Variants in PARVA observed in about 807,000 individuals in gnomAD.
PARVA encodes alpha-parvin.
Under a neutral mutation model 52.6 loss-of-function variants are expected in PARVA, and 25 were observed. The observed-to-expected ratio is 0.48, with a 90% CI of 0.35 to 0.66. The LOEUF (loss-of-function observed/expected upper bound fraction) is 0.66, where lower values mean the gene tolerates loss of function less well. Ranked by LOEUF, PARVA falls within the 30% of genes least tolerant of loss-of-function variation. The probability of loss-of-function intolerance (pLI) is 0.01; values close to 1 mark genes in which losing one functional copy is unlikely to be tolerated. For missense variants in PARVA, 373 were observed against 450.9 expected (o/e 0.83, Z 1.56); for synonymous variants, 185 against 179.1 (o/e 1.03, Z -0.26).
At chr11:12,508,125 A>AAAAAAAAAAAAAC (rs1564865901) in intron 6 of PARVA, among the ~76,000 whole-genome samples, 3 of 59,488 alleles carry the variant, frequency 5.0e-5, no homozygotes, top group Non-Finnish European at 9.9e-5. Flanking sequence ...AAAAAAAACC[A>AAAAAAAAAAAAAC]AAAAAAAAAA....
chr11:12,376,733 G>C, upstream of PARVA: 1 of 984,680 alleles, frequency 1.0e-6, no homozygotes, highest in Non-Finnish European at 1.2e-6. Flanking sequence ...AACTTGAGAT[G>C]GGTAAGCTCA....
chr11:12,406,149 T>C (rs747069732), intron 1 of PARVA, among the ~76,000 whole-genome samples: 18 of 152,058 alleles, frequency 1.2e-4, no homozygotes, highest in Admixed American at 5.2e-4. Flanking sequence ...TTTTAAGGAG[T>C]TGGCTCAGGT....
Position 12,432,398 on chromosome 11 carries a change from A to G in PARVA, c.137-41347A>G, listed in dbSNP as rs1012094726. ...TACAAATAGATGTGAATGTCATTTT[A>G]TCTAATTGAAGATGAATGCTGAATT... is the stretch of plus-strand genomic sequence containing the variant. On this transcript the variant is annotated intron_variant, in intron 1 of 12. Coordinates refer to ENST00000334956, the MANE Select transcript of PARVA (RefSeq NM_018222.5). Among the ~76,000 whole-genome samples the G allele has an allele frequency of 1.8e-4, 28 of 152,372 alleles. No individual in the cohort carries two copies. In the South Asian group the frequency reaches 3.1e-3, roughly 17 times the overall value.
At chr11:12,506,024 C>T (rs886949791) in intron 6 of PARVA, among the ~76,000 whole-genome samples, 4 of 152,200 alleles carry the variant, frequency 2.6e-5, no homozygotes, top group African/African-American at 9.6e-5. Context: ...ATAAGCTCAT[C>T]GGTTGTTAAA....
chr11:12,387,556 T>C (rs893778963), intron 1 of PARVA, among the ~76,000 whole-genome samples: 1 of 150,330 alleles, frequency 6.7e-6, no homozygotes, highest in Non-Finnish European at 1.5e-5. Flanking sequence ...TTTTTGAGCG[T>C]GTGTGTGTGT....
intron 6 of PARVA, among the ~76,000 whole-genome samples, chr11:12,506,693 C>T (rs753622192): frequency 6.6e-6 from 1 of 152,194 alleles, no homozygotes; most frequent in Non-Finnish European, 1.5e-5. Flanking sequence ...CATAAAATGG[C>T]ATTAATGCAC....
At chr11:12,403,417 A>T (rs1468402905) in intron 1 of PARVA, among the ~76,000 whole-genome samples, 1 of 152,182 alleles carries the variant, frequency 6.6e-6, no homozygotes. Context: ...CATGGTGATG[A>T]TAGGAGGCCC....
rs907290659 is a variant in PARVA at position 12,528,921 on chromosome 11, G to C, written c.*996G>C. ...TTGCAGCCTTTTTGCTTGATTGCAT[G>C]TAATGGAAATGCCCTATATTTTCCT... On this transcript the variant is annotated 3_prime_UTR_variant, in exon 13 of 13. Coordinates refer to ENST00000334956, the MANE Select transcript of PARVA (RefSeq NM_018222.5). 4 of 152,610 alleles carry C rather than the reference G, an allele frequency of 2.6e-5. No homozygotes were observed. Among genetic ancestry groups the C allele is most frequent in the African/African-American group, 9.7e-5 (4 of 41,430 alleles). 9.5% of individuals were successfully genotyped at this position (152,610 alleles called of 1,614,324 possible).
At position 12,504,385 on chromosome 11, in the gene PARVA, A is replaced by G. The variant is rs567869261; in HGVS notation, c.613A>G (p.Ile205Val). The stretch of plus-strand genomic sequence containing the variant: ...TCTGTCTCAGTATTTCCGCGCACCA[A>G]TTCGACTCCCAGACCATGTTTCCAT... ...VALSQYFRAP[I>V]RLPDHVSIQV... Residue 205 changes from isoleucine to valine, a missense_variant, in exon 6 of 13, where the codon ATT becomes GTT. By Grantham distance (29) the Ile-to-Val change is conservative. Transcript: ENST00000334956. 1.1e-5 allele frequency: 18 copies of G among 1,613,716 alleles called. No homozygotes were observed. Among genetic ancestry groups the G allele is most frequent in the East Asian group, 1.1e-4 (5 of 44,874 alleles).
At chr11:12,467,597 A>G (rs571194979) in intron 1 of PARVA, among the ~76,000 whole-genome samples, 2 of 152,296 alleles carry the variant, frequency 1.3e-5, no homozygotes, top group East Asian at 1.9e-4. Flanking sequence ...TGACCAGACA[A>G]TATAGTTGTC....
At chr11:12,497,269 T>G (rs1941310210) in intron 5 of PARVA, among the ~76,000 whole-genome samples, 1 of 152,162 alleles carries the variant, frequency 6.6e-6, no homozygotes, top group South Asian at 2.1e-4. Context: ...ATTAGGTGAA[T>G]CTAGCAGTAG....
chr11:12,461,195 C>T lies in PARVA; in HGVS notation c.137-12550C>T, dbSNP rs74996562. ...ATAGCTCCTGACCCATCTCCTAGCA[C>T]CAGAGATGCCCATACATGCTTATGA... On this transcript the variant is annotated intron_variant, in intron 1 of 12. Transcript: ENST00000334956. Among the ~76,000 whole-genome samples the T allele has an allele frequency of 5.0e-3, 763 of 152,282 alleles. 10 individuals are homozygous for T. Among genetic ancestry groups the T allele is most frequent in the Middle Eastern group, 0.02 (6 of 294 alleles).
chr11:12,493,933 C>A (rs1281841426), intron 4 of PARVA, among the ~76,000 whole-genome samples: 1 of 152,256 alleles, frequency 6.6e-6, no homozygotes, highest in African/African-American at 2.4e-5. Flanking sequence ...GTCCCCACTT[C>A]AGTTGGCATT....
chr11:12,382,897 G>A (rs142965254), intron 1 of PARVA, among the ~76,000 whole-genome samples: 26 of 152,346 alleles, frequency 1.7e-4, no homozygotes, highest in African/African-American at 6.0e-4. Flanking sequence ...CATGGCACAA[G>A]TAATGGTAGC....
At chr11:12,497,337 G>T (rs905766039) in intron 5 of PARVA, among the ~76,000 whole-genome samples, 3 of 152,120 alleles carry the variant, frequency 2.0e-5, no homozygotes, top group African/African-American at 7.2e-5. Flanking sequence ...ATTAATAAAA[G>T]ATTAGATTAG....
rs190009157 is a variant in PARVA at position 12,439,962 on chromosome 11, C to T, written c.137-33783C>T. Among the ~76,000 whole-genome samples, 6 of 152,298 alleles carry T rather than the reference C, an allele frequency of 3.9e-5. No homozygotes were observed. In the East Asian group the frequency reaches 5.8e-4, roughly 15 times the overall value. The stretch of plus-strand genomic sequence containing the variant: ...ACTTCCTGGTTCTCTTTATTCCCAT[C>T]GCCCTATTCTGCTTTCTCTTACAAC... On this transcript the variant is annotated intron_variant, in intron 1 of 12. Coordinates refer to ENST00000334956, the MANE Select transcript of PARVA (RefSeq NM_018222.5).
At chr11:12,424,193 G>A (rs538987635) in intron 1 of PARVA, among the ~76,000 whole-genome samples, 49 of 151,778 alleles carry the variant, frequency 3.2e-4, no homozygotes, top group Non-Finnish European at 6.6e-4. Flanking sequence ...GTTCTTTAAT[G>A]TTGTGAATAG....
intron 3 of PARVA, among the ~76,000 whole-genome samples, chr11:12,477,627 A>T (rs1485320657): frequency 6.8e-6 from 1 of 147,834 alleles, no homozygotes; most frequent in African/African-American, 2.4e-5. Flanking sequence ...ACACTCCCAT[A>T]GTCTCAGCTA....
chr11:12,491,899 G>C (rs899711610), intron 4 of PARVA, among the ~76,000 whole-genome samples: 3 of 152,064 alleles, frequency 2.0e-5, no homozygotes, highest in African/African-American at 7.2e-5. Flanking sequence ...ACTGCTCATG[G>C]AACACTTAAC....
Sources: gnomAD v4.1 joint callset for allele counts (sites outside exome capture counted in the v4.1 genomes callset) on GRCh38, gnomAD v4.1.1 for gene constraint, MANE v1.5 for transcripts, NCBI Gene and HGNC (gene_info 2026-07-23, HGNC 2026-07-21) for gene names.